Variants in MAP7D2 observed in about 807,000 individuals in gnomAD.
MAP7D2 encodes MAP7 domain-containing protein 2.
In MAP7D2, 33 loss-of-function variants were observed where a neutral mutation model predicts 63.5. The observed-to-expected ratio is 0.52, with a 90% CI of 0.39 to 0.70. The LOEUF (loss-of-function observed/expected upper bound fraction) is 0.70, where lower values mean the gene tolerates loss of function less well. Among genes scored for constraint, MAP7D2 ranks in the 30% least tolerant of loss-of-function variants. The pLI, the probability that MAP7D2 is intolerant of heterozygous loss-of-function variation, is 0.00. For missense variants in MAP7D2, 626 were observed against 604.0 expected, an observed-to-expected ratio of 1.04 and a Z score of -0.38; for synonymous variants, 224 against 223.7, an observed-to-expected ratio of 1.00 and a Z score of -0.01.
intron 8 of MAP7D2, among the ~76,000 whole-genome samples, chrX:20,031,805 T>A (rs1482046744): frequency 3.6e-5 from 4 of 111,908 alleles, no homozygotes; most frequent in Non-Finnish European, 3.8e-5. Flanking sequence ...CTGGCAAAAG[T>A]TGCACATACA....
intron 8 of MAP7D2, among the ~76,000 whole-genome samples, chrX:20,036,562 T>C (rs1015502194): frequency 2.8e-5 from 3 of 106,108 alleles, no homozygotes; most frequent in Non-Finnish European, 5.8e-5. Context: ...AATTCATCTA[T>C]AGAACAAACC....
chrX:20,020,908 C>T (rs1251768807), intron 10 of MAP7D2, among the ~76,000 whole-genome samples: 1 of 112,000 alleles, frequency 8.9e-6, no homozygotes, highest in African/African-American at 3.2e-5. Context: ...AGGCTCAACT[C>T]GAACTCCTGG....
At chrX:20,098,680 C>T (rs2066342574) in intron 1 of MAP7D2, among the ~76,000 whole-genome samples, 1 of 111,788 alleles carries the variant, frequency 8.9e-6, no homozygotes, top group Non-Finnish European at 1.9e-5. Context: ...AGTGCCTGTC[C>T]TGGAAAAAGT....
chrX:20,091,506 C>G (rs1251018836), intron 1 of MAP7D2, among the ~76,000 whole-genome samples: 1 of 109,572 alleles, frequency 9.1e-6, no homozygotes, highest in Non-Finnish European at 1.9e-5. Flanking sequence ...CTCTTCTCAA[C>G]TAAAAATACA....
chrX:20,025,154 A>G, intron 9 of MAP7D2, 71 bp from the exon 10 acceptor site: 2 of 1,115,817 alleles, frequency 1.8e-6, no homozygotes, highest in East Asian at 3.1e-5. Context: ...CTCACACAGC[A>G]GCTGCCAGTT....
intron 11 of MAP7D2, among the ~76,000 whole-genome samples, chrX:20,015,797 G>A (rs904302720): frequency 1.4e-4 from 16 of 112,267 alleles, no homozygotes; most frequent in African/African-American, 4.5e-4. Flanking sequence ...ATGCATCAAT[G>A]CACTTACATT....
intron 10 of MAP7D2, among the ~76,000 whole-genome samples, chrX:20,022,246 G>A (rs1307101567): frequency 8.9e-6 from 1 of 111,775 alleles, no homozygotes; most frequent in Non-Finnish European, 1.9e-5. Context: ...CGTGTGATGG[G>A]TGAATGTCAG....
intron 1 of MAP7D2, among the ~76,000 whole-genome samples, chrX:20,113,985 C>T (rs1174908147): frequency 1.8e-5 from 2 of 111,609 alleles, no homozygotes; most frequent in Non-Finnish European, 3.8e-5. Flanking sequence ...CCCCCCAGTA[C>T]CCTTCGCAGT....
intron 1 of MAP7D2, among the ~76,000 whole-genome samples, chrX:20,068,791 T>G (rs1022941082): frequency 8.9e-6 from 1 of 112,003 alleles, no homozygotes; most frequent in Admixed American, 9.5e-5. Flanking sequence ...TGAATTGTAC[T>G]CCCATAATTC....
Position 20,050,183 on chromosome X carries a change from A to G in MAP7D2, c.718+641T>C, listed in dbSNP as rs1377931617. Among the ~76,000 whole-genome samples, 9 of 111,417 alleles carry G rather than the reference A, an allele frequency of 8.1e-5. No individual in the cohort carries two copies. The Admixed American group carries it at 8.6e-4, about 11-fold the overall frequency. On this transcript the variant is annotated intron_variant, in intron 6 of 16. Transcript: ENST00000379643. ...ACATGACGACTTGATCTGCTTTGAT[A>G]AAGGCAGGGCTTTGATGGTCTGGTC...
intron 1 of MAP7D2, among the ~76,000 whole-genome samples, chrX:20,106,801 G>A (rs1271772110): frequency 9.0e-6 from 1 of 110,943 alleles, no homozygotes; most frequent in Admixed American, 9.6e-5. Flanking sequence ...CCCAGCATGA[G>A]ACCTGTCTCT....
intron 6 of MAP7D2, among the ~76,000 whole-genome samples, chrX:20,049,371 A>G (rs956655832): frequency 9.4e-6 from 1 of 106,532 alleles, no homozygotes; most frequent in Admixed American, 1.0e-4. Context: ...TCCTGGGCTC[A>G]AGTGATTCTC....
At chrX:20,071,867 G>A (rs2065511727) in intron 1 of MAP7D2, among the ~76,000 whole-genome samples, 1 of 111,357 alleles carries the variant, frequency 9.0e-6, no homozygotes, top group African/African-American at 3.3e-5. Context: ...GCTGCCCCTG[G>A]TTGATCTTTA....
chrX:20,092,905 T>C (rs887826317), intron 1 of MAP7D2, among the ~76,000 whole-genome samples: 1 of 112,377 alleles, frequency 8.9e-6, no homozygotes, highest in African/African-American at 3.2e-5. Context: ...AATTTATACA[T>C]CTGGACACTA....
rs1208043364 is a variant in MAP7D2 at position 20,024,967 on chromosome X, T to C, written c.1396A>G (p.Lys466Glu). ...KEQEEQERLEKEEQDRLEREE... is the reference protein window; with the variant it reads ...KEQEEQERLEEEEQDRLEREE... ...CTAGCATACCTATCTTGTTCTTCCT[T>C]CTCCAGTCGTTCTTGCTCCTCCTGT... The change falls in exon 10 of 17, where the codon AAG becomes GAG. Residue 466 changes from lysine to glutamate, a missense_variant. By Grantham distance (56) the Lys-to-Glu change is moderately conservative. Coordinates refer to ENST00000379643, the MANE Select transcript of MAP7D2 (RefSeq NM_001168465.2). 5 of 1,210,756 alleles carry C rather than the reference T, an allele frequency of 4.1e-6. No individual in the cohort carries two copies. In the Admixed American group the frequency reaches 8.7e-5, roughly 21 times the overall value.
chrX:20,048,745 T>C (rs773097322), intron 6 of MAP7D2, among the ~76,000 whole-genome samples: 4 of 108,847 alleles, frequency 3.7e-5, no homozygotes, highest in African/African-American at 6.7e-5. Flanking sequence ...CTGAGCAACA[T>C]AGTGAGACCT....
intron 13 of MAP7D2, 103 bp downstream of exon 13, chrX:20,013,466 T>C: frequency 1.3e-6 from 1 of 771,062 alleles, no homozygotes; most frequent in Non-Finnish European, 1.9e-6. Flanking sequence ...ACTGCATTTT[T>C]TTCTGGCTAA....
At chrX:20,048,724 T>C (rs1263086007) in intron 6 of MAP7D2, among the ~76,000 whole-genome samples, 1 of 109,323 alleles carries the variant, frequency 9.1e-6, no homozygotes, top group Non-Finnish European at 1.9e-5. Flanking sequence ...GCCCAAGAGT[T>C]TGAGACCAGC....
chrX:20,050,167 C>T (rs765036235), intron 6 of MAP7D2, among the ~76,000 whole-genome samples: 74 of 111,530 alleles, frequency 6.6e-4, no homozygotes, highest in African/African-American at 2.3e-3. Context: ...GACATGACGA[C>T]TTGATCTGCT....
Sources: allele counts gnomAD v4.1 joint callset (sites outside exome capture counted in the v4.1 genomes callset), GRCh38; gene constraint gnomAD v4.1.1; transcripts MANE v1.5; gene names NCBI Gene and HGNC (gene_info 2026-07-23, HGNC 2026-07-21).